The following PARD3B variants were observed in gnomAD, a reference collection of about 807,000 sequenced individuals.
PARD3B encodes the protein partitioning defective 3 homolog B.
Under a neutral mutation model 130.2 loss-of-function variants are expected in PARD3B, and 103 were observed. The observed-to-expected ratio is 0.79, with a 90% CI of 0.67 to 0.93. The LOEUF (loss-of-function observed/expected upper bound fraction) is 0.93, where lower values mean the gene tolerates loss of function less well. Among genes scored for constraint, PARD3B ranks in the 40% least tolerant of loss-of-function variants. The pLI, the probability that PARD3B is intolerant of heterozygous loss-of-function variation, is 0.00. For missense variants in PARD3B, 1,609 were observed against 1,499.2 expected (o/e 1.07, Z -1.21); for synonymous variants, 583 against 553.2 (o/e 1.05, Z -0.76).
chr2:205,260,824 T>G (rs766487766), intron 16 of PARD3B, among the ~76,000 whole-genome samples: 1 of 152,112 alleles, frequency 6.6e-6, no homozygotes, highest in Admixed American at 6.5e-5. Context: ...AGGAAATGTA[T>G]CAGGGGGATG....
intron 2 of PARD3B, among the ~76,000 whole-genome samples, chr2:204,706,880 A>T (rs944102298): frequency 6.6e-6 from 1 of 152,192 alleles, no homozygotes; most frequent in African/African-American, 2.4e-5. Flanking sequence ...TGGTGAAATA[A>T]TGATGATAAA....
chr2:205,508,979 G>A (rs62173191), intron 21 of PARD3B, among the ~76,000 whole-genome samples: 2 of 149,270 alleles, frequency 1.3e-5, no homozygotes, highest in East Asian at 1.9e-4. Flanking sequence ...TTTTTTTTTG[G>A]TTAGTGGCTT....
intron 2 of PARD3B, among the ~76,000 whole-genome samples, chr2:204,804,757 C>T (rs1368482878): frequency 6.6e-6 from 1 of 152,058 alleles, no homozygotes; most frequent in South Asian, 2.1e-4. Context: ...TTAAAACTTT[C>T]AAAAACAATG....
chr2:205,282,284 A>G (rs957340472), intron 16 of PARD3B, among the ~76,000 whole-genome samples: 18 of 151,978 alleles, frequency 1.2e-4, no homozygotes, highest in African/African-American at 2.9e-4. Context: ...TTATTATTTC[A>G]TCTTCCTGGT....
At chr2:205,595,244 A>G (rs2054526516) in intron 22 of PARD3B, among the ~76,000 whole-genome samples, 1 of 152,194 alleles carries the variant, frequency 6.6e-6, no homozygotes, top group Non-Finnish European at 1.5e-5. Flanking sequence ...GCACCTGCCC[A>G]CCATAGAGGA....
chr2:204,839,989 C>T (rs1398631347), intron 2 of PARD3B, among the ~76,000 whole-genome samples: 1 of 151,974 alleles, frequency 6.6e-6, no homozygotes, highest in East Asian at 1.9e-4. Flanking sequence ...GTATTCCCTC[C>T]CTCTACGTAT....
chr2:205,277,058 T>A (rs1243508356), intron 16 of PARD3B, among the ~76,000 whole-genome samples: 3 of 152,188 alleles, frequency 2.0e-5, no homozygotes, highest in Non-Finnish European at 4.4e-5. Context: ...CAAGAGTCCA[T>A]GCTCTTCAGG....
Position 205,019,700 on chromosome 2 carries a change from G to T in PARD3B, c.395-27881G>T, listed in dbSNP as rs566925044. The stretch of plus-strand genomic sequence containing the variant: ...TAGTGGGTGTAAAGTGGTATTCACT[G>T]TAGTTTTGATTTTCATTTCTCTGAA... On this transcript the variant is annotated intron_variant, in intron 3 of 22. Coordinates refer to ENST00000406610, the MANE Select transcript of PARD3B (RefSeq NM_001302769.2). Among the ~76,000 whole-genome samples, 4 of 152,256 alleles carry T rather than the reference G, an allele frequency of 2.6e-5. No individual in the cohort carries two copies. The East Asian group carries it at 5.8e-4, about 22-fold the overall frequency.
rs989175708 is a variant in PARD3B at position 205,263,471 on chromosome 2, C to A, written c.2185+17649C>A. On this transcript the variant is annotated intron_variant, in intron 16 of 22. Coordinates refer to ENST00000406610, the MANE Select transcript of PARD3B (RefSeq NM_001302769.2). The surrounding 1 kb of genome is among the most constrained non-coding windows in gnomAD (Gnocchi z 4.0). ...ATTTTAAAGTAAAATTCTGTCATTT[C>A]ACTTCTTATAAACCTTCAATATGGA... Among the ~76,000 whole-genome samples the A allele has an allele frequency of 1.3e-5, 2 of 151,180 alleles. No homozygotes were observed. Among genetic ancestry groups the A allele is most frequent in the Non-Finnish European group, 3.0e-5 (2 of 67,670 alleles).
At chr2:204,928,165 G>T (rs577947723) in intron 2 of PARD3B, among the ~76,000 whole-genome samples, 1 of 152,184 alleles carries the variant, frequency 6.6e-6, no homozygotes, top group South Asian at 2.1e-4. Context: ...CTATTGCCTG[G>T]TTTCATATGA....
intron 2 of PARD3B, among the ~76,000 whole-genome samples, chr2:204,863,153 C>G (rs1167699017): frequency 6.6e-6 from 1 of 152,182 alleles, no homozygotes; most frequent in African/African-American, 2.4e-5. Flanking sequence ...CTGTCTCTAT[C>G]AATACCTCTT....
At chr2:204,895,209 A>G (rs2046598049) in intron 2 of PARD3B, among the ~76,000 whole-genome samples, 1 of 152,138 alleles carries the variant, frequency 6.6e-6, no homozygotes, top group African/African-American at 2.4e-5. Context: ...GTTATGTTAG[A>G]AAAGTAGTTT....
At chr2:204,869,544 G>A (rs1437733078) in intron 2 of PARD3B, among the ~76,000 whole-genome samples, 1 of 151,912 alleles carries the variant, frequency 6.6e-6, no homozygotes, top group African/African-American at 2.4e-5. Flanking sequence ...TATCTTTACC[G>A]AGATTATATT....
intron 2 of PARD3B, among the ~76,000 whole-genome samples, chr2:204,828,141 G>A (rs1243609017): frequency 2.6e-5 from 4 of 152,184 alleles, no homozygotes; most frequent in African/African-American, 7.2e-5. Flanking sequence ...TACTGAGCAC[G>A]TATTGGGAGC....
chr2:205,295,234 A>T lies in PARD3B; in HGVS notation c.2186-5296A>T, dbSNP rs115973802. On this transcript the variant is annotated intron_variant, in intron 16 of 22. Coordinates refer to ENST00000406610, the MANE Select transcript of PARD3B (RefSeq NM_001302769.2). Reference sequence around the variant, plus strand: ...TTTACATTTATTAATTTCACATCACAACTCCCCATGCAGCAGGAAAGGCGT... The same window carrying T: ...TTTACATTTATTAATTTCACATCACTACTCCCCATGCAGCAGGAAAGGCGT... Among the ~76,000 whole-genome samples, 1,389 of 152,326 alleles carry T rather than the reference A, an allele frequency of 9.1e-3. 18 individuals carry two copies. The highest frequency in any genetic ancestry group is 0.032 in the African/African-American group (1,329 of 41,566).
chr2:204,748,142 G>A (rs958383659), intron 2 of PARD3B, among the ~76,000 whole-genome samples: 2 of 152,016 alleles, frequency 1.3e-5, no homozygotes, highest in African/African-American at 2.4e-5. Context: ...AAATAATATG[G>A]TTGAGTACGG....
chr2:205,208,796 A>G (rs1247006506), intron 15 of PARD3B, among the ~76,000 whole-genome samples: 1 of 145,174 alleles, frequency 6.9e-6, no homozygotes, highest in Non-Finnish European at 1.5e-5. Context: ...CATACTGCCC[A>G]GGGTAATTTA....
At chr2:204,779,980 C>T (rs1407852904) in intron 2 of PARD3B, among the ~76,000 whole-genome samples, 1 of 152,066 alleles carries the variant, frequency 6.6e-6, no homozygotes, top group African/African-American at 2.4e-5. Context: ...TTGGGTTGAG[C>T]TGTTTTGTGA....
Position 204,680,354 on chromosome 2 carries a change from G to T in PARD3B, c.121-5827G>T, listed in dbSNP as rs895600129. ...TTTATAAAAATTGTTAAATTTATAG[G>T]TCCAAGGTTTTTAGAATATTCTCTT... is the stretch of plus-strand genomic sequence containing the variant. On this transcript the variant is annotated intron_variant, in intron 1 of 22. Coordinates refer to ENST00000406610, the MANE Select transcript of PARD3B (RefSeq NM_001302769.2). 4.0e-5 allele frequency among the ~76,000 whole-genome samples: 6 copies of T among 151,746 alleles called. 1 individual carries two copies. The highest frequency in any genetic ancestry group is 8.8e-5 in the Non-Finnish European group (6 of 67,866).
Sources: allele counts gnomAD v4.1 joint callset (sites outside exome capture counted in the v4.1 genomes callset), GRCh38; gene constraint gnomAD v4.1.1; non-coding constraint Gnocchi (gnomAD v3.1); transcripts MANE v1.5; gene names NCBI Gene and HGNC (gene_info 2026-07-23, HGNC 2026-07-21).